The following RPS6KA2 variants were observed in gnomAD, a reference collection of about 807,000 sequenced individuals.
The protein encoded by RPS6KA2 is ribosomal protein S6 kinase alpha-2.
Under a neutral mutation model 91.8 loss-of-function variants are expected in RPS6KA2, and 42 were observed. The ratio of observed to expected loss-of-function variants is 0.46; its 90% CI spans 0.36 to 0.59. The LOEUF (loss-of-function observed/expected upper bound fraction) is 0.59, where lower values mean the gene tolerates loss of function less well. RPS6KA2 is among the 20% of genes least tolerant of loss of function. The probability of loss-of-function intolerance (pLI) is 0.00; values close to 1 mark genes in which losing one functional copy is unlikely to be tolerated. For synonymous variants in RPS6KA2, 414 were observed against 393.6 expected (o/e 1.05, Z -0.61); for missense variants, 798 against 978.5 (o/e 0.82, Z 2.46).
At chr6:166,679,048 G>A (rs148408807) in intron 2 of RPS6KA2, among the ~76,000 whole-genome samples, 26 of 152,266 alleles carry the variant, frequency 1.7e-4, no homozygotes, top group Admixed American at 1.7e-3. Flanking sequence ...ACAAAACCTG[G>A]TTGACCAATT....
intron 2 of RPS6KA2, among the ~76,000 whole-genome samples, chr6:166,664,396 A>G (rs1482442367): frequency 6.6e-6 from 1 of 152,226 alleles, no homozygotes; most frequent in Non-Finnish European, 1.5e-5. Flanking sequence ...ACACTCATTT[A>G]AGAGGCGCAT....
At chr6:166,622,521 G>A (rs1290742043) in intron 1 of RPS6KA2, among the ~76,000 whole-genome samples, 2 of 152,048 alleles carry the variant, frequency 1.3e-5, no homozygotes, top group Non-Finnish European at 2.9e-5. Context: ...ATTAGAAATG[G>A]TTTTCTTGGA....
chr6:166,468,856 T>TCCGCCTCAAAAAAA (rs567161437), intron 11 of RPS6KA2, among the ~76,000 whole-genome samples: 4,318 of 111,460 alleles, frequency 0.039, 676 homozygotes, highest in African/African-American at 0.14. Flanking sequence ...AGAGCGAGAC[T>TCCGCCTCAAAAAAA]AAAAAAAAAA....
chr6:166,668,825 TCC>T (rs1788391019), intron 2 of RPS6KA2, among the ~76,000 whole-genome samples: 2 of 85,042 alleles, frequency 2.4e-5, no homozygotes, highest in Non-Finnish European at 4.8e-5. Flanking sequence ...CCTCCATCCC[TCC>T]CTCCCTCCCT....
At chr6:166,574,115 G>A (rs1014394152) in intron 1 of RPS6KA2, among the ~76,000 whole-genome samples, 17 of 152,156 alleles carry the variant, frequency 1.1e-4, no homozygotes, top group Non-Finnish European at 1.6e-4. Flanking sequence ...GAGTCCTGGC[G>A]TGCTGACCGA....
At chr6:166,778,153 G>A (rs560085967) in intron 2 of RPS6KA2, among the ~76,000 whole-genome samples, 4 of 152,342 alleles carry the variant, frequency 2.6e-5, no homozygotes, top group South Asian at 4.1e-4. Context: ...CGGTGCTTAC[G>A]TTAGCCTTAG....
At chr6:166,617,121 CA>C (rs1786444511) in intron 1 of RPS6KA2, among the ~76,000 whole-genome samples, 1 of 152,236 alleles carries the variant, frequency 6.6e-6, no homozygotes, top group Admixed American at 6.5e-5. Context: ...CACAGAAACT[CA>C]GCGTCAGGAG....
chr6:166,427,251 A>G lies in RPS6KA2; in HGVS notation c.1581+3202T>C, dbSNP rs1342233468. On this transcript the variant is annotated intron_variant, in intron 16 of 20. Coordinates refer to ENST00000265678, the MANE Select transcript of RPS6KA2 (RefSeq NM_021135.6). ...AAAAGGCCTTTGACAAAATTCAACA[A>G]CCCTTCATGCTAAAAACTCTCAATA... Among the ~76,000 whole-genome samples, 10 of 151,300 alleles carry G rather than the reference A, an allele frequency of 6.6e-5. No individual in the cohort carries two copies. The East Asian group carries it at 1.7e-3, about 26-fold the overall frequency.
chr6:166,467,883 C>T (rs1045643337), intron 11 of RPS6KA2, among the ~76,000 whole-genome samples: 2 of 152,240 alleles, frequency 1.3e-5, no homozygotes, highest in East Asian at 1.9e-4. Flanking sequence ...GAGACTGGGA[C>T]GCCCAGCAGA....
At chr6:166,569,004 T>G (rs1446607144) in intron 1 of RPS6KA2, among the ~76,000 whole-genome samples, 1 of 152,196 alleles carries the variant, frequency 6.6e-6, no homozygotes, top group Admixed American at 6.5e-5. Flanking sequence ...GTATTAAAAA[T>G]TAAGCTTACA....
chr6:166,414,747 C>CCACATTTGAAGAGGTAATAA (rs1778439720), intron 19 of RPS6KA2, among the ~76,000 whole-genome samples: 2 of 152,222 alleles, frequency 1.3e-5, no homozygotes, highest in African/African-American at 4.8e-5. Context: ...AGTGTTCCCA[C>CCACATTTGAAGAGGTAATAA]CACATTTGAA....
At chr6:166,516,669 C>T (rs1203869459) in intron 3 of RPS6KA2, among the ~76,000 whole-genome samples, 1 of 152,224 alleles carries the variant, frequency 6.6e-6, no homozygotes, top group Non-Finnish European at 1.5e-5. Flanking sequence ...TCATGAGATG[C>T]ATGTGGCCAG....
chr6:166,844,391 TA>T (rs1427775141), intron 2 of RPS6KA2, among the ~76,000 whole-genome samples: 2 of 152,194 alleles, frequency 1.3e-5, no homozygotes, highest in Non-Finnish European at 2.9e-5. Context: ...GCTAGAGATC[TA>T]GACATTCAAA....
Position 166,446,920 on chromosome 6 carries a change from AC to A in RPS6KA2, c.1332+1803del, listed in dbSNP as rs113570346. On this transcript the variant is annotated intron_variant, in intron 14 of 20. Coordinates refer to ENST00000265678, the MANE Select transcript of RPS6KA2 (RefSeq NM_021135.6). ...AATTCCAAGGAGCCTATGTAGGCTT[AC>A]GAAGCACATGTGAAATACGTTTCAA... is the stretch of plus-strand genomic sequence containing the variant. 3.1e-3 allele frequency among the ~76,000 whole-genome samples: 475 copies of A among 152,352 alleles called. 1 individual carries two copies. Among genetic ancestry groups the A allele is most frequent in the African/African-American group, 0.011 (464 of 41,582 alleles).
intron 3 of RPS6KA2, among the ~76,000 whole-genome samples, chr6:166,517,462 T>TTG (rs1562550805): frequency 1.7e-4 from 10 of 59,318 alleles, no homozygotes; most frequent in African/African-American, 5.1e-4. Flanking sequence ...TTTGTTTTTT[T>TTG]TTTTTTTTTT....
At chr6:166,473,095 CTGTG>C (rs1780831908) in intron 10 of RPS6KA2, among the ~76,000 whole-genome samples, 1 of 152,162 alleles carries the variant, frequency 6.6e-6, no homozygotes, top group Non-Finnish European at 1.5e-5. Context: ...TTATCTGGGT[CTGTG>C]TCTCCAATTG....
chr6:166,531,204 A>G, intron 3 of RPS6KA2, 28 bp downstream of exon 3: 1 of 1,506,326 alleles, frequency 6.6e-7, no homozygotes, highest in Non-Finnish European at 9.2e-7. Context: ...CCTGTCTCTG[A>G]AGCAGCCGGC....
At position 166,509,986 on chromosome 6, in the gene RPS6KA2, A is replaced by C. The variant is rs552309366; in HGVS notation, c.379+291T>G. Among the ~76,000 whole-genome samples the C allele has an allele frequency of 1.9e-4, 29 of 152,324 alleles. No individual in the cohort carries two copies. The South Asian group carries it at 3.5e-3, about 19-fold the overall frequency. ...ATAAGTCATAGATTCACCCCAATCT[A>C]GGTTAAGATCTTCTAAATTATCAAT... On this transcript the variant is annotated intron_variant, in intron 4 of 20. Coordinates refer to ENST00000265678, the MANE Select transcript of RPS6KA2 (RefSeq NM_021135.6).
chr6:166,769,001 T>C (rs1459923878), intron 2 of RPS6KA2, among the ~76,000 whole-genome samples: 1 of 152,158 alleles, frequency 6.6e-6, no homozygotes, highest in Non-Finnish European at 1.5e-5. Flanking sequence ...GGGAACACTT[T>C]CCAGTTCCAA....
Sources: allele counts gnomAD v4.1 joint callset (sites outside exome capture counted in the v4.1 genomes callset), GRCh38; gene constraint gnomAD v4.1.1; transcripts MANE v1.5; gene names NCBI Gene and HGNC (gene_info 2026-07-23, HGNC 2026-07-21).